The following SESN3 variants were observed in gnomAD, a reference collection of about 807,000 sequenced individuals.
SESN3 encodes sestrin 3, also known as sestrin-3.
Under a neutral mutation model 55.3 loss-of-function variants are expected in SESN3, and 21 were observed. That is an observed-to-expected ratio of 0.38 (90% confidence interval 0.27 to 0.55). The LOEUF is 0.55. Among genes scored for constraint, SESN3 ranks in the 20% least tolerant of loss-of-function variants. The pLI is 0.76. For synonymous variants in SESN3, 181 were observed against 203.1 expected (o/e 0.89, Z 0.93); for missense variants, 408 against 604.3 (o/e 0.68, Z 3.41).
At chr11:95,183,202 T>G (rs987436352) in intron 6 of SESN3, among the ~76,000 whole-genome samples, 2 of 152,166 alleles carry the variant, frequency 1.3e-5, no homozygotes, top group Non-Finnish European at 2.9e-5. Context: ...AGAGTGAATA[T>G]TAAACCAATA....
At chr11:95,226,604 TG>T (rs1860952233) in intron 1 of SESN3, among the ~76,000 whole-genome samples, 1 of 152,236 alleles carries the variant, frequency 6.6e-6, no homozygotes, top group South Asian at 2.1e-4. Flanking sequence ...TAAGTAAATA[TG>T]GAAGGAATTC....
chr11:95,206,563 A>G (rs1050560754), intron 1 of SESN3, among the ~76,000 whole-genome samples: 4 of 152,120 alleles, frequency 2.6e-5, no homozygotes, highest in African/African-American at 9.7e-5. Context: ...AATGATCACA[A>G]AGACTTCCTT....
chr11:95,192,873 T>C (rs1243259657), intron 2 of SESN3, among the ~76,000 whole-genome samples: 1 of 152,104 alleles, frequency 6.6e-6, no homozygotes, highest in Non-Finnish European at 1.5e-5. Context: ...ATATTTGTTA[T>C]TTTTGTTTTG....
chr11:95,215,102 GTGGA>G (rs1330240295), intron 1 of SESN3, among the ~76,000 whole-genome samples: 1 of 152,118 alleles, frequency 6.6e-6, no homozygotes, highest in African/African-American at 2.4e-5. Flanking sequence ...TGAAACTGAA[GTGGA>G]TGTAAACAAT....
intron 1 of SESN3, among the ~76,000 whole-genome samples, chr11:95,228,305 A>G (rs939017242): frequency 6.6e-6 from 1 of 152,218 alleles, no homozygotes; most frequent in African/African-American, 2.4e-5. Context: ...TGTCCCATAT[A>G]AAGGTGACCC....
chr11:95,192,847 T>C (rs922448760), intron 2 of SESN3, among the ~76,000 whole-genome samples: 15 of 152,186 alleles, frequency 9.9e-5, no homozygotes, highest in Admixed American at 8.5e-4. Context: ...ATGAACCACA[T>C]ATAATTAGAA....
At chr11:95,224,350 A>C in intron 1 of SESN3, 1 of 361,340 alleles carries the variant, frequency 2.8e-6, no homozygotes, top group Non-Finnish European at 5.4e-6. Flanking sequence ...ATTCTGATAA[A>C]CATTTCCTCA....
chr11:95,220,177 C>T (rs1275095812), intron 1 of SESN3, among the ~76,000 whole-genome samples: 5 of 152,008 alleles, frequency 3.3e-5, no homozygotes, highest in Non-Finnish European at 7.4e-5. Context: ...AAATTTTTGT[C>T]TCAACATATA....
intron 1 of SESN3, among the ~76,000 whole-genome samples, chr11:95,218,487 A>T (rs558532545): frequency 1.1e-4 from 17 of 152,344 alleles, no homozygotes; most frequent in Middle Eastern, 6.8e-3. Context: ...GTGATTTATA[A>T]ATGTTTATAG....
intron 1 of SESN3, among the ~76,000 whole-genome samples, chr11:95,223,264 C>T (rs1337797867): frequency 6.6e-6 from 1 of 151,650 alleles, no homozygotes; most frequent in African/African-American, 2.4e-5. Flanking sequence ...GTTATCAGTA[C>T]CCTGCATTAA....
At chr11:95,224,274 A>G (rs1332229657) in intron 1 of SESN3, among the ~76,000 whole-genome samples, 1 of 152,220 alleles carries the variant, frequency 6.6e-6, no homozygotes, top group Non-Finnish European at 1.5e-5. Flanking sequence ...CATGACCTCA[A>G]CAGTTTATAT....
rs1463099668 is a variant in SESN3, at chr11:95,230,418, A to C, written c.78+365T>G. 1 of 197,758 alleles carries C rather than the reference A, an allele frequency of 5.1e-6. No homozygotes were observed. The highest frequency in any genetic ancestry group is 2.4e-5 in the African/African-American group (1 of 42,404). The allele number at this position is 197,758 out of a possible 1,614,324, so 12.3% of individuals were successfully genotyped here. A position where few individuals can be genotyped will look rare whatever the true frequency, so the allele number is the denominator to read the frequency against. On this transcript the variant is annotated intron_variant, in intron 1 of 9. Coordinates refer to ENST00000536441, the MANE Select transcript of SESN3 (RefSeq NM_144665.4). The surrounding 1 kb of genome is among the most constrained non-coding windows in gnomAD (Gnocchi z 4.6). ...TCTGATTTCACACCGACCTCCATCA[A>C]CAGCTAAACTGCACAGGGAGGAGGA... is the stretch of plus-strand genomic sequence containing the variant.
At chr11:95,231,444 G>A (rs1028365838), upstream of SESN3, 5 of 291,176 alleles carry the variant, frequency 1.7e-5, no homozygotes, top group African/African-American at 4.4e-5. Flanking sequence ...CTAAGTAGTA[G>A]GGTAGCAGGG....
At position 95,168,341 on chromosome 11, in the gene SESN3, G is replaced by GCAATTC. The variant is rs1288368322; in HGVS notation, c.*4908_*4913dup. On this transcript the variant is annotated 3_prime_UTR_variant, in exon 10 of 10. Coordinates refer to ENST00000536441, the MANE Select transcript of SESN3 (RefSeq NM_144665.4). Reference sequence around the variant, plus strand: ...CCTAATACAAATCCAAGTTAGGATGGCAATTCAATCACTTTAAAATCCTGT... The same window carrying GCAATTC: ...CCTAATACAAATCCAAGTTAGGATGGCAATTCCAATTCAATCACTTTAAAATCCTGT... 1 of 152,166 alleles carries GCAATTC rather than the reference G, an allele frequency of 6.6e-6. No individual in the cohort carries two copies. Among genetic ancestry groups the GCAATTC allele is most frequent in the Non-Finnish European group, 1.5e-5 (1 of 68,030 alleles). 9.4% of individuals were successfully genotyped at this position (152,166 alleles called of 1,614,324 possible). A position where few individuals can be genotyped will look rare whatever the true frequency, so the allele number is the denominator to read the frequency against.
intron 1 of SESN3, among the ~76,000 whole-genome samples, chr11:95,224,805 A>T (rs990726668): frequency 6.6e-6 from 1 of 152,184 alleles, no homozygotes; most frequent in Admixed American, 6.5e-5. Flanking sequence ...TTATAAGATA[A>T]TGTTTATCAA....
At chr11:95,220,691 T>C (rs1307766953) in intron 1 of SESN3, among the ~76,000 whole-genome samples, 2 of 152,228 alleles carry the variant, frequency 1.3e-5, no homozygotes, top group Non-Finnish European at 2.9e-5. Context: ...TTATTTACAC[T>C]TTATAACAGC....
At chr11:95,179,615 T>C (rs1462265943) in intron 6 of SESN3, among the ~76,000 whole-genome samples, 2 of 152,100 alleles carry the variant, frequency 1.3e-5, no homozygotes, top group African/African-American at 2.4e-5. Flanking sequence ...CAAAAAAGCA[T>C]ATAGGGAGAA....
At chr11:95,176,290 T>G (rs1859954094) in intron 8 of SESN3, among the ~76,000 whole-genome samples, 1 of 152,156 alleles carries the variant, frequency 6.6e-6, no homozygotes, top group Non-Finnish European at 1.5e-5. Context: ...TGACAGTAAA[T>G]ATACACAATT....
intron 1 of SESN3, among the ~76,000 whole-genome samples, chr11:95,198,933 G>A (rs1388858955): frequency 1.3e-5 from 2 of 151,986 alleles, no homozygotes; most frequent in Non-Finnish European, 2.9e-5. Context: ...ATGTACTAAA[G>A]TACTTTCATA....
Sources: gnomAD v4.1 joint callset for allele counts (sites outside exome capture counted in the v4.1 genomes callset) on GRCh38, gnomAD v4.1.1 for gene constraint, Gnocchi (gnomAD v3.1) non-coding constraint, MANE v1.5 for transcripts, NCBI Gene and HGNC (gene_info 2026-07-23, HGNC 2026-07-21) for gene names.